The following DEFB121 variants were observed in gnomAD, a reference collection of about 807,000 sequenced individuals.
The protein encoded by DEFB121 is defensin beta 121, also known as beta-defensin 121.
In DEFB121, 5 loss-of-function variants were observed where a neutral mutation model predicts 2.5. The ratio of observed to expected loss-of-function variants is 1.96; its 90% CI spans 1.03 to 4.13. DEFB121 has a LOEUF of 4.13. Among genes scored for constraint, DEFB121 ranks in the 30% most tolerant of loss-of-function variants. The probability of loss-of-function intolerance (pLI) is 0.00; values close to 1 mark genes in which losing one functional copy is unlikely to be tolerated. For missense variants in DEFB121, 87 were observed against 85.0 expected (o/e 1.02, Z -0.09); for synonymous variants, 39 against 32.6 (o/e 1.20, Z -0.67).
At chr20:31,410,491 T>G (rs919097557), upstream of DEFB121, among the ~76,000 whole-genome samples, 5 of 151,990 alleles carry the variant, frequency 3.3e-5, no homozygotes, top group African/African-American at 1.2e-4. Context: ...TGGATAGGAG[T>G]TGATTATGGG....
At chr20:31,418,521 C>G in the DEFB121 span, among the ~76,000 whole-genome samples, 1 of 152,112 alleles carries the variant, frequency 6.6e-6, no homozygotes, top group African/African-American at 2.4e-5. Flanking sequence ...CCACCAATGT[C>G]GTGACAGTTT....
Position 31,406,096 on chromosome 20 carries a change from T to G in DEFB121, c.57A>C (p.Pro19=), listed in dbSNP as rs374410645. 4 of 1,613,548 alleles carry G rather than the reference T, an allele frequency of 2.5e-6. No homozygotes were observed. The highest frequency in any genetic ancestry group is 3.4e-6 in the Non-Finnish European group (4 of 1,179,594). ...TCCCCTTCTGGAGATCCTGTTTACCTGGGGTGACCTGGGCCAGGAGCAGAG... is the reference window on the plus strand; with the variant it reads ...TCCCCTTCTGGAGATCCTGTTTACCGGGGGTGACCTGGGCCAGGAGCAGAG... The part of the protein sequence containing the change: ...TVTLLLAQVT[P]VMKCWGKSGR... Residue 19 remains proline (P), a splice_region_variant and synonymous_variant, in exon 1 of 2, where the codon CCA becomes CCC. Transcript: ENST00000376314.
Position 31,404,907 on chromosome 20 carries a change from G to C in DEFB121, c.*6C>G, listed in dbSNP as rs1208900158. ...GATGTTGAGACTCAAGGTTGGAAGA[G>C]AGGTGTCAGACTGCAGAAGTTGATT... On this transcript the variant is annotated 3_prime_UTR_variant, in exon 2 of 2. Transcript: ENST00000376314. The C allele has an allele frequency of 1.9e-6, 3 of 1,613,540 alleles. No homozygotes were observed. In the East Asian group the frequency reaches 6.7e-5, roughly 36 times the overall value.
rs368566015 is a variant in DEFB121, at chr20:31,406,194, G to A, written c.-42C>T. ...GGGAGGGATAGGAGGCTTCTCAACTGGTAAAACAGACAGAGGACTCCATTC... is the reference window on the plus strand; with the variant it reads ...GGGAGGGATAGGAGGCTTCTCAACTAGTAAAACAGACAGAGGACTCCATTC... On this transcript the variant is annotated 5_prime_UTR_variant, in exon 1 of 2. Coordinates refer to ENST00000376314, the MANE Select transcript of DEFB121 (RefSeq NM_001011878.3). 3.1e-6 allele frequency: 5 copies of A among 1,612,644 alleles called. No homozygotes were observed. The highest frequency in any genetic ancestry group is 8.5e-7 in the Non-Finnish European group (1 of 1,179,212).
chr20:31,416,440 A>C (rs1978809226), upstream of DEFB121, among the ~76,000 whole-genome samples: 1 of 152,228 alleles, frequency 6.6e-6, no homozygotes, highest in African/African-American at 2.4e-5. Flanking sequence ...GGTTTTAAAA[A>C]GTTTTCTGCT....
At position 31,404,934 on chromosome 20, in the gene DEFB121, CA is replaced by C. The variant is rs768081369; in HGVS notation, c.209del (p.Leu70ArgfsTer?). 1.2e-6 allele frequency: 2 copies of C among 1,613,906 alleles called. No homozygotes were observed. Among genetic ancestry groups the C allele is most frequent in the South Asian group, 1.1e-5 (1 of 91,006 alleles). ...KPKLTDTNTS[L>X]ESTSAV is the part of the protein sequence containing the mutation. ...GGTGTCAGACTGCAGAAGTTGATTC[CA>C]GGCTTGTATTTGTGTCTGTTAATTT... is the stretch of plus-strand genomic sequence containing the variant. On this transcript the variant is annotated frameshift_variant, in exon 2 of 2. Transcript: ENST00000376314. LOFTEE classifies it high-confidence loss of function.
intron 1 of DEFB121, among the ~76,000 whole-genome samples, chr20:31,405,739 GA>G (rs1411337948): frequency 6.6e-6 from 1 of 152,162 alleles, no homozygotes; most frequent in Non-Finnish European, 1.5e-5. Flanking sequence ...CATTTTCCTA[GA>G]GGCAACAATG....
intron 1 of DEFB121, 22 bp downstream of exon 1, chr20:31,406,073 C>A: frequency 1.2e-6 from 2 of 1,613,714 alleles, no homozygotes; most frequent in South Asian, 2.2e-5. Flanking sequence ...GACTCCCATC[C>A]CCTTCTGGAG....
At chr20:31,409,831 C>T (rs900486685), upstream of DEFB121, among the ~76,000 whole-genome samples, 2 of 152,064 alleles carry the variant, frequency 1.3e-5, no homozygotes, top group African/African-American at 4.8e-5. Flanking sequence ...GAAGAACATA[C>T]TGAACAAGCT....
At chr20:31,417,346 AAAAG>A (rs1352047973), upstream of DEFB121, among the ~76,000 whole-genome samples, 4 of 152,170 alleles carry the variant, frequency 2.6e-5, no homozygotes, top group African/African-American at 9.7e-5. Flanking sequence ...CCCTGTCTCA[AAAAG>A]AAAGAAAGAA....
upstream of DEFB121, among the ~76,000 whole-genome samples, chr20:31,413,264 C>A (rs1048069345): frequency 6.6e-6 from 1 of 152,200 alleles, no homozygotes; most frequent in Non-Finnish European, 1.5e-5. Flanking sequence ...AAATGGGAAA[C>A]AAGTATTTTT....
intron 1 of DEFB121, among the ~76,000 whole-genome samples, chr20:31,411,384 A>G (rs183968388): frequency 6.6e-6 from 1 of 152,344 alleles, no homozygotes; most frequent in East Asian, 1.9e-4. Flanking sequence ...CTTATTCATT[A>G]TCTAATAGAG....
At chr20:31,416,974 C>T (rs1978824121), upstream of DEFB121, among the ~76,000 whole-genome samples, 1 of 152,094 alleles carries the variant, frequency 6.6e-6, no homozygotes, top group Admixed American at 6.6e-5. Context: ...AGACTGATCT[C>T]AAGCAAAAAC....
chr20:31,410,217 G>A (rs1427410692), upstream of DEFB121, among the ~76,000 whole-genome samples: 1 of 152,160 alleles, frequency 6.6e-6, no homozygotes, highest in Non-Finnish European at 1.5e-5. Context: ...CAGCAACATG[G>A]ATGCAGCTGG....
chr20:31,408,285 A>T (rs1017775436), upstream of DEFB121, among the ~76,000 whole-genome samples: 1 of 152,052 alleles, frequency 6.6e-6, no homozygotes, highest in Non-Finnish European at 1.5e-5. Flanking sequence ...CTCTACACAC[A>T]CACAAAAAAA....
At chr20:31,411,086 T>A (rs734417), upstream of DEFB121, among the ~76,000 whole-genome samples, 11,060 of 152,232 alleles carry the variant, frequency 0.073, 1,329 homozygotes, top group African/African-American at 0.25. Flanking sequence ...ATCCATTATG[T>A]GCATGATTTA....
At chr20:31,410,001 T>C (rs894635748), upstream of DEFB121, among the ~76,000 whole-genome samples, 1 of 152,122 alleles carries the variant, frequency 6.6e-6, no homozygotes, top group African/African-American at 2.4e-5. Context: ...ATGTCAAAAT[T>C]CATCAAAATT....
chr20:31,406,306 C>T, upstream of DEFB121: 1 of 1,410,008 alleles, frequency 7.1e-7, no homozygotes, highest in Non-Finnish European at 9.3e-7. Flanking sequence ...CATTTGAGAT[C>T]AGACAGGCAG....
upstream of DEFB121, chr20:31,406,357 GA>G (rs532398104): frequency 1.8e-4 from 210 of 1,142,434 alleles, no homozygotes; most frequent in African/African-American, 3.1e-3. Flanking sequence ...GAGGCTGGGA[GA>G]GGGGGAAGGG....
Sources: gnomAD v4.1 joint callset for allele counts (sites outside exome capture counted in the v4.1 genomes callset) on GRCh38, gnomAD v4.1.1 for gene constraint, MANE v1.5 for transcripts, NCBI Gene and HGNC (gene_info 2026-07-23, HGNC 2026-07-21) for gene names.